SEMA6D: variants seen among roughly 807,000 people sequenced by gnomAD.
The protein encoded by SEMA6D is semaphorin-6D.
Under a neutral mutation model 106.6 loss-of-function variants are expected in SEMA6D, and 35 were observed. That is an observed-to-expected ratio of 0.33 (90% CI 0.25 to 0.44). SEMA6D has a LOEUF of 0.44. Among genes scored for constraint, SEMA6D ranks in the 20% least tolerant of loss-of-function variants. The probability of loss-of-function intolerance (pLI) is 1.00; values close to 1 mark genes in which losing one functional copy is unlikely to be tolerated. For synonymous variants in SEMA6D, 499 were observed against 487.7 expected (o/e 1.02, Z -0.31); for missense variants, 1,185 against 1,345.9 (o/e 0.88, Z 1.87).
chr15:47,343,526 G>A (rs113954731), intron 1 of SEMA6D, among the ~76,000 whole-genome samples: 13,209 of 151,430 alleles, frequency 0.087, 712 homozygotes, highest in Admixed American at 0.13. Context: ...TTGTCCTTGC[G>A]ATAGTTTGCT....
At chr15:47,268,425 A>G (rs1242747397) in intron 1 of SEMA6D, among the ~76,000 whole-genome samples, 1 of 152,002 alleles carries the variant, frequency 6.6e-6, no homozygotes, top group African/African-American at 2.4e-5. Flanking sequence ...CCAACAAGGG[A>G]TATTGCTTTC....
chr15:47,488,375 A>G (rs1016450252), intron 3 of SEMA6D, among the ~76,000 whole-genome samples: 3 of 152,136 alleles, frequency 2.0e-5, no homozygotes, highest in African/African-American at 7.2e-5. Flanking sequence ...TTATTAATAT[A>G]TGTAGAGTTA....
chr15:47,727,014 C>T (rs1448683411), intron 1 of SEMA6D, among the ~76,000 whole-genome samples: 1 of 152,150 alleles, frequency 6.6e-6, no homozygotes, highest in Non-Finnish European at 1.5e-5. Context: ...CCTTGGCACC[C>T]TTTTGAAGAT....
At chr15:47,320,346 A>G (rs1026653704) in intron 1 of SEMA6D, among the ~76,000 whole-genome samples, 28 of 152,160 alleles carry the variant, frequency 1.8e-4, no homozygotes, top group Admixed American at 1.2e-3. Context: ...TTCTCTCTCT[A>G]TTGTAAAGAG....
At chr15:47,711,031 C>T (rs1462085075) in intron 4 of SEMA6D, among the ~76,000 whole-genome samples, 1 of 151,922 alleles carries the variant, frequency 6.6e-6, no homozygotes, top group Non-Finnish European at 1.5e-5. Context: ...TAGGCGTGGC[C>T]GGGCGCGGTG....
intron 4 of SEMA6D, among the ~76,000 whole-genome samples, chr15:47,656,860 T>A (rs2077807155): frequency 6.6e-6 from 1 of 152,150 alleles, no homozygotes; most frequent in Non-Finnish European, 1.5e-5. Context: ...GTGGCATCAG[T>A]TAGAAGCAGA....
intron 1 of SEMA6D, among the ~76,000 whole-genome samples, chr15:47,383,167 G>A (rs1390654908): frequency 6.6e-6 from 1 of 152,194 alleles, no homozygotes; most frequent in Non-Finnish European, 1.5e-5. Flanking sequence ...ATGCAACTAA[G>A]TGGTTCTAAG....
At chr15:47,196,431 G>A (rs1468471228) in intron 1 of SEMA6D, among the ~76,000 whole-genome samples, 1 of 152,156 alleles carries the variant, frequency 6.6e-6, no homozygotes, top group African/African-American at 2.4e-5. Context: ...ACATTTGTGT[G>A]CCAAAAGAGA....
At chr15:47,620,025 G>T (rs979419361) in intron 4 of SEMA6D, among the ~76,000 whole-genome samples, 2 of 152,080 alleles carry the variant, frequency 1.3e-5, no homozygotes, top group East Asian at 1.9e-4. Flanking sequence ...TAGAAAAGGG[G>T]TTGCGGTGAC....
At chr15:47,538,370 A>G (rs1044482500) in intron 3 of SEMA6D, among the ~76,000 whole-genome samples, 2 of 152,178 alleles carry the variant, frequency 1.3e-5, no homozygotes, top group African/African-American at 4.8e-5. Flanking sequence ...CTTTTGCAGT[A>G]TGTCCTGCCC....
chr15:47,219,967 A>G (rs2031033004), intron 1 of SEMA6D, among the ~76,000 whole-genome samples: 1 of 152,164 alleles, frequency 6.6e-6, no homozygotes, highest in South Asian at 2.1e-4. Flanking sequence ...TAATCCACGT[A>G]GTGTCTCATC....
At chr15:47,577,545 G>A (rs2076176782) in intron 3 of SEMA6D, among the ~76,000 whole-genome samples, 1 of 152,238 alleles carries the variant, frequency 6.6e-6, no homozygotes, top group South Asian at 2.1e-4. Flanking sequence ...CAAGAGAAGA[G>A]GCCAGTGGCT....
At chr15:47,200,496 T>G (rs1450542459) in intron 1 of SEMA6D, among the ~76,000 whole-genome samples, 2 of 152,182 alleles carry the variant, frequency 1.3e-5, no homozygotes, top group African/African-American at 4.8e-5. Flanking sequence ...TGGAATAAAT[T>G]CACAGTGCCA....
chr15:47,680,696 A>G (rs1240997497), intron 4 of SEMA6D, among the ~76,000 whole-genome samples: 1 of 152,206 alleles, frequency 6.6e-6, no homozygotes, highest in Non-Finnish European at 1.5e-5. Context: ...TATATCTGAA[A>G]AGGGGTTAGT....
intron 3 of SEMA6D, among the ~76,000 whole-genome samples, chr15:47,471,979 A>C (rs2042861895): frequency 6.7e-6 from 1 of 149,814 alleles, no homozygotes; most frequent in African/African-American, 2.5e-5. Flanking sequence ...ACACACGAAA[A>C]AGAGAAAGAG....
chr15:47,388,572 C>G (rs910945138), intron 1 of SEMA6D, among the ~76,000 whole-genome samples: 8 of 151,828 alleles, frequency 5.3e-5, no homozygotes, highest in South Asian at 2.1e-4. Flanking sequence ...GCCATCAGAT[C>G]AAAAAAACGT....
intron 1 of SEMA6D, among the ~76,000 whole-genome samples, chr15:47,219,676 T>A (rs935361290): frequency 2.2e-4 from 33 of 152,234 alleles, no homozygotes; most frequent in Admixed American, 2.2e-3. Context: ...TGGGGCTAGA[T>A]AGAATTATAT....
intron 1 of SEMA6D, among the ~76,000 whole-genome samples, chr15:47,266,094 C>A (rs576358672): frequency 1.3e-5 from 2 of 152,274 alleles, no homozygotes; most frequent in South Asian, 4.1e-4. Context: ...GTTTTTGAGA[C>A]TGGATCTGAT....
At chr15:47,555,147 A>T (rs151289347) in intron 3 of SEMA6D, among the ~76,000 whole-genome samples, 1 of 152,192 alleles carries the variant, frequency 6.6e-6, no homozygotes, top group African/African-American at 2.4e-5. Flanking sequence ...ATGTTGAACC[A>T]GTTCTAATGA....
Sources: allele counts gnomAD v4.1 joint callset (sites outside exome capture counted in the v4.1 genomes callset), GRCh38; gene constraint gnomAD v4.1.1; transcripts MANE v1.5; gene names NCBI Gene and HGNC (gene_info 2026-07-23, HGNC 2026-07-21).